The following RB1 variants were observed in gnomAD, a reference collection of about 807,000 sequenced individuals.
RB1 encodes RB transcriptional corepressor 1.
In RB1, 18 loss-of-function variants were observed where a neutral mutation model predicts 135.4. The ratio of observed to expected loss-of-function variants is 0.13; its 90% CI spans 0.09 to 0.20. The LOEUF (loss-of-function observed/expected upper bound fraction) is 0.20, where lower values mean the gene tolerates loss of function less well. Among genes scored for constraint, RB1 ranks in the 10% least tolerant of loss-of-function variants. The pLI is 1.00. For synonymous variants in RB1, 365 were observed against 373.2 expected (o/e 0.98, Z 0.25); for missense variants, 868 against 1,110.0 (o/e 0.78, Z 3.10).
At chr13:48,376,200 G>A (rs1428826708) in intron 12 of RB1, among the ~76,000 whole-genome samples, 4 of 151,978 alleles carry the variant, frequency 2.6e-5, no homozygotes, top group African/African-American at 7.2e-5. Context: ...TTCAAAGCAC[G>A]TTTTAAAATT....
chr13:48,419,167 A>G (rs1481536008), intron 17 of RB1, among the ~76,000 whole-genome samples: 2 of 152,214 alleles, frequency 1.3e-5, no homozygotes, highest in East Asian at 1.9e-4. Flanking sequence ...ATGCAAAACA[A>G]TGGAAATCAT....
chr13:48,320,063 G>A, intron 2 of RB1: 1 of 556,744 alleles, frequency 1.8e-6, no homozygotes, highest in Non-Finnish European at 3.2e-6. Context: ...TCCACTCTTT[G>A]CCTTTAGGTA....
chr13:48,308,380 G>A (rs569538297), intron 2 of RB1, among the ~76,000 whole-genome samples: 1 of 146,142 alleles, frequency 6.8e-6, no homozygotes, highest in African/African-American at 2.4e-5. Context: ...AAGGCTGGGC[G>A]TGGTGGCTCA....
At position 48,480,957 on chromosome 13, in the gene RB1, C is replaced by T. The variant is rs1461378962; in HGVS notation, c.*886C>T. ...CCTAACACAGTATATCCCAAGTGCA[C>T]TTTCTAATGTTTCTGGGTCCTGAAG... On this transcript the variant is annotated 3_prime_UTR_variant, in exon 27 of 27. Coordinates refer to ENST00000267163, the MANE Select transcript of RB1 (RefSeq NM_000321.3). The T allele has an allele frequency of 4.4e-6, 1 of 228,690 alleles. No homozygotes were observed. Among genetic ancestry groups the T allele is most frequent in the African/African-American group, 2.2e-5 (1 of 45,064 alleles). The allele number at this position is 228,690 out of a possible 1,614,324, so 14.2% of individuals were successfully genotyped here. A position where few individuals can be genotyped will look rare whatever the true frequency, so the allele number is the denominator to read the frequency against.
chr13:48,338,293 C>T (rs1952404140), intron 2 of RB1, among the ~76,000 whole-genome samples: 1 of 152,202 alleles, frequency 6.6e-6, no homozygotes, highest in Non-Finnish European at 1.5e-5. Context: ...TGGTTCCATT[C>T]TCCCTGTCAC....
intron 2 of RB1, among the ~76,000 whole-genome samples, chr13:48,322,374 AT>A (rs949699434): frequency 2.0e-5 from 3 of 152,054 alleles, no homozygotes. Context: ...TTGTATGTTG[AT>A]TTTGTACTCT....
intron 2 of RB1, among the ~76,000 whole-genome samples, chr13:48,321,119 G>A (rs1307086893): frequency 6.6e-6 from 1 of 152,060 alleles, no homozygotes; most frequent in Admixed American, 6.5e-5. Context: ...CAGGCCCCCT[G>A]CCACCCACCG....
chr13:48,346,830 G>A (rs1207433860), intron 4 of RB1, among the ~76,000 whole-genome samples: 6 of 152,008 alleles, frequency 3.9e-5, no homozygotes, highest in Admixed American at 3.9e-4. Flanking sequence ...AGTTTTATAT[G>A]AGTAACTTAC....
intron 17 of RB1, among the ~76,000 whole-genome samples, chr13:48,437,549 G>C (rs9595906): frequency 0.011 from 1,654 of 152,282 alleles, 30 homozygotes; most frequent in African/African-American, 0.038. Context: ...CTAGTTTAAG[G>C]CTTCACTGGG....
chr13:48,465,022 G>C lies in RB1; in HGVS notation c.2236G>C (p.Glu746Gln), dbSNP rs958914211. 3.4e-6 allele frequency: 4 copies of C among 1,188,070 alleles called. No homozygotes were observed. In the African/African-American group the frequency reaches 6.7e-5, roughly 20 times the overall value. 73.6% of individuals were successfully genotyped at this position (1,188,070 alleles called of 1,614,324 possible). Residue 746 changes from glutamate (E) to glutamine (Q), a missense_variant, in exon 22 of 27, where the codon GAA becomes CAA. Coordinates refer to ENST00000267163, the MANE Select transcript of RB1 (RefSeq NM_000321.3). ...GACATTCAAACGTGTTTTGATCAAAGAAGAGGAGTATGATTCTATTATAGT... is the reference window on the plus strand; with the variant it reads ...GACATTCAAACGTGTTTTGATCAAACAAGAGGAGTATGATTCTATTATAGT... ...QETFKRVLIK[E>Q]EEYDSIIVFY... is the part of the protein sequence containing the mutation.
intron 17 of RB1, among the ~76,000 whole-genome samples, chr13:48,392,213 C>A (rs148507674): frequency 4.6e-5 from 7 of 152,094 alleles, no homozygotes; most frequent in Admixed American, 4.6e-4. Flanking sequence ...CAGGTTCAAG[C>A]GATTCTTCTG....
At chr13:48,446,649 G>C (rs1949290121) in intron 17 of RB1, among the ~76,000 whole-genome samples, 1 of 152,134 alleles carries the variant, frequency 6.6e-6, no homozygotes, top group African/African-American at 2.4e-5. Flanking sequence ...GTGAATAATG[G>C]AGTGGGGTGA....
chr13:48,405,551 C>A (rs1193915564), intron 17 of RB1, among the ~76,000 whole-genome samples: 1 of 152,112 alleles, frequency 6.6e-6, no homozygotes, highest in Non-Finnish European at 1.5e-5. Flanking sequence ...AACACAGCCG[C>A]TTTATTCATT....
At chr13:48,378,486 C>T (rs975927861) in intron 13 of RB1, among the ~76,000 whole-genome samples, 1 of 151,810 alleles carries the variant, frequency 6.6e-6, no homozygotes, top group Non-Finnish European at 1.5e-5. Flanking sequence ...TCTTCAGGGA[C>T]AATAAAATGC....
intron 17 of RB1, among the ~76,000 whole-genome samples, chr13:48,407,711 G>T (rs1948752563): frequency 6.6e-6 from 1 of 152,070 alleles, no homozygotes. Flanking sequence ...TTATTTCTTA[G>T]AAGCCATGTT....
At chr13:48,359,603 A>G (rs1282662379) in intron 6 of RB1, among the ~76,000 whole-genome samples, 4 of 148,162 alleles carry the variant, frequency 2.7e-5, no homozygotes, top group Non-Finnish European at 4.5e-5. Context: ...ACAAATATAA[A>G]TAAAATATTT....
At chr13:48,379,753 G>C (rs1338020734) in intron 14 of RB1, 103 bp downstream of exon 14, 2 of 1,408,354 alleles carry the variant, frequency 1.4e-6, no homozygotes, top group African/African-American at 1.5e-5. Context: ...GGAGGTCAAG[G>C]CATCAAGATC....
intron 17 of RB1, among the ~76,000 whole-genome samples, chr13:48,421,144 C>T (rs922020644): frequency 6.6e-6 from 1 of 152,108 alleles, no homozygotes; most frequent in Non-Finnish European, 1.5e-5. Context: ...TACTACAAGG[C>T]TACAATAACC....
chr13:48,432,947 A>G (rs1393431061), intron 17 of RB1, among the ~76,000 whole-genome samples: 1 of 152,148 alleles, frequency 6.6e-6, no homozygotes, highest in African/African-American at 2.4e-5. Flanking sequence ...TTATGCTTAT[A>G]TAGTTGAAAT....
Sources: allele counts gnomAD v4.1 joint callset (sites outside exome capture counted in the v4.1 genomes callset), GRCh38; gene constraint gnomAD v4.1.1; transcripts MANE v1.5; gene names NCBI Gene and HGNC (gene_info 2026-07-23, HGNC 2026-07-21).